The following SRA1 variants were observed in gnomAD, a reference collection of about 807,000 sequenced individuals.
SRA1 encodes the protein lncRNA SRA.
Under a neutral mutation model 24.3 loss-of-function variants are expected in SRA1, and 25 were observed. That is an observed-to-expected ratio of 1.03 (90% CI 0.75 to 1.43). The LOEUF (loss-of-function observed/expected upper bound fraction) is 1.43, where lower values mean the gene tolerates loss of function less well. Ranked by LOEUF, SRA1 falls within the 40% of genes most tolerant of loss-of-function variation. The pLI is 0.00. For synonymous variants in SRA1, 104 were observed against 109.5 expected, an observed-to-expected ratio of 0.95 and a Z score of 0.31; for missense variants, 303 against 286.6, an observed-to-expected ratio of 1.06 and a Z score of -0.41.
At position 140,557,427 on chromosome 5, in the gene SRA1, C is replaced by A. The variant is rs778028833; in HGVS notation, c.25+1G>T. The A allele has an allele frequency of 1.9e-6, 3 of 1,572,396 alleles. No homozygotes were observed. The highest frequency in any genetic ancestry group is 2.6e-6 in the Non-Finnish European group (3 of 1,160,764). ...TGCCCTAGCCCGCCGGCTGCGCTCA[C>A]CCGGCTTCACGTACAGCTCCGCCAT... On this transcript the variant is annotated splice_donor_variant, in intron 1 of 4. Transcript: ENST00000336283. LOFTEE classifies it high-confidence loss of function.
intron 2 of SRA1, among the ~76,000 whole-genome samples, chr5:140,556,207 T>G (rs1291710918): frequency 1.3e-5 from 2 of 152,192 alleles, no homozygotes; most frequent in African/African-American, 4.8e-5. Flanking sequence ...AAACCAAGCC[T>G]TGTATCATTC....
chr5:140,557,545 G>C (rs924974062), upstream of SRA1: 9 of 1,443,058 alleles, frequency 6.2e-6, no homozygotes, highest in Non-Finnish European at 8.3e-6. Flanking sequence ...CAGGCGGGTT[G>C]CCGGAATCCG....
chr5:140,556,078 G>A (rs1485470762), intron 2 of SRA1, among the ~76,000 whole-genome samples: 1 of 152,256 alleles, frequency 6.6e-6, no homozygotes, highest in Non-Finnish European at 1.5e-5. Context: ...TATCACAACT[G>A]GGTGGATGCT....
chr5:140,555,423 G>C (rs767495781), intron 2 of SRA1, among the ~76,000 whole-genome samples: 1 of 152,034 alleles, frequency 6.6e-6, no homozygotes, highest in Non-Finnish European at 1.5e-5. Context: ...AGTAGAGACA[G>C]CGTTTCGCCA....
Position 140,551,047 on chromosome 5 carries a change from G to A in SRA1, c.463+14C>T. On this transcript the variant is annotated intron_variant, in intron 4 of 4. Coordinates refer to ENST00000336283, the MANE Select transcript of SRA1 (RefSeq NM_001035235.4). ...GGAAAGGGATTTAGGCTATACCAAA[G>A]AACCCACCCATACCTTGCACCAGTA... The A allele has an allele frequency of 6.2e-7, 1 of 1,608,184 alleles. No homozygotes were observed. Among genetic ancestry groups the A allele is most frequent in the South Asian group, 1.1e-5 (1 of 90,968 alleles).
chr5:140,551,899 T>A (rs1754570016), intron 3 of SRA1, 83 bp downstream of exon 3: 3 of 1,292,126 alleles, frequency 2.3e-6, no homozygotes, highest in Non-Finnish European at 3.3e-6. Flanking sequence ...GTCCACTGGG[T>A]CAGAGGGTCT....
In SRA1 at chr5:140,551,067, C is replaced by A; in HGVS notation, c.457G>T (p.Val153Leu). Residue 153 changes from valine (V) to leucine (L), a missense_variant, in exon 4 of 5, where the codon GTG (valine) becomes TTG (leucine). Coordinates refer to ENST00000336283, the MANE Select transcript of SRA1 (RefSeq NM_001035235.4). ...IPVKKRMALLVQELSSHRWDA... is the reference protein window; with the variant it reads ...IPVKKRMALLLQELSSHRWDA... The stretch of plus-strand genomic sequence containing the variant: ...CCAAAGAACCCACCCATACCTTGCA[C>A]CAGTAGAGCCATTCTCTTCTTTACA... The A allele has an allele frequency of 1.2e-6, 2 of 1,613,394 alleles. No homozygotes were observed. The highest frequency in any genetic ancestry group is 1.7e-6 in the Non-Finnish European group (2 of 1,179,278).
In SRA1 at chr5:140,557,280, G is replaced by C. The variant is rs776963407; in HGVS notation, c.26-8C>G. On this transcript the variant is annotated splice_polypyrimidine_tract_variant and splice_region_variant and intron_variant, in intron 1 of 4. Coordinates refer to ENST00000336283, the MANE Select transcript of SRA1 (RefSeq NM_001035235.4). ...AGCCGCGTTCCTTGTTGCCTGCGGA[G>C]GCGAGGGATGTGTGAAGCGAGCCCG... is the stretch of plus-strand genomic sequence containing the variant. The C allele has an allele frequency of 2.7e-5, 43 of 1,610,224 alleles. No homozygotes were observed. The highest frequency in any genetic ancestry group is 3.3e-5 in the Non-Finnish European group (39 of 1,179,926).
chr5:140,557,533 G>A (rs550554971), upstream of SRA1: 637 of 1,482,940 alleles, frequency 4.3e-4, no homozygotes, highest in South Asian at 6.1e-4. Flanking sequence ...CACGTCCAGG[G>A]CCAGGCGGGT....
At chr5:140,555,020 A>G (rs1390426944) in intron 2 of SRA1, among the ~76,000 whole-genome samples, 1 of 151,090 alleles carries the variant, frequency 6.6e-6, no homozygotes, top group African/African-American at 2.4e-5. Context: ...CTGGGATTTC[A>G]GGTGCCCGCC....
upstream of SRA1, chr5:140,557,524 A>T (rs35057460): frequency 6.6e-7 from 1 of 1,514,144 alleles, no homozygotes; most frequent in Non-Finnish European, 8.9e-7. Context: ...CAGTTGAGAC[A>T]CGTCCAGGGC....
intron 2 of SRA1, among the ~76,000 whole-genome samples, chr5:140,552,387 TCA>T (rs1323204886): frequency 6.6e-6 from 1 of 152,180 alleles, no homozygotes; most frequent in Non-Finnish European, 1.5e-5. Flanking sequence ...GTGTGATGGC[TCA>T]CACCTGTAAT....
In SRA1 at chr5:140,551,171, T is replaced by C. The variant is rs200117109; in HGVS notation, c.355-2A>G. 42 of 1,613,318 alleles carry C rather than the reference T, an allele frequency of 2.6e-5. No homozygotes were observed. Among genetic ancestry groups the C allele is most frequent in the Non-Finnish European group, 3.5e-5 (41 of 1,179,446 alleles). On this transcript the variant is annotated splice_acceptor_variant, in intron 3 of 4. Coordinates refer to ENST00000336283, the MANE Select transcript of SRA1 (RefSeq NM_001035235.4). LOFTEE classifies it high-confidence loss of function. The stretch of plus-strand genomic sequence containing the variant: ...GCTGATGTCATCACATACCTGCTTC[T>C]AAGAGACAGAAGCCCCCCTCCAATT...
intron 2 of SRA1, 57 bp downstream of exon 2, chr5:140,557,090 C>G (rs1454742766): frequency 1.4e-6 from 2 of 1,400,634 alleles, no homozygotes; most frequent in Non-Finnish European, 1.9e-6. Context: ...AGGCTTATGC[C>G]TTACACCCCC....
chr5:140,551,824 CA>C, intron 3 of SRA1, 157 bp downstream of exon 3: 1 of 604,512 alleles, frequency 1.7e-6, no homozygotes. Context: ...ATCCTGTGTT[CA>C]TTTCTTTGGG....
intron 3 of SRA1, 60 bp from the exon 4 acceptor site, chr5:140,551,229 G>T: frequency 1.5e-6 from 2 of 1,345,750 alleles, no homozygotes; most frequent in Non-Finnish European, 2.1e-6. Flanking sequence ...GGAGGAGAGG[G>T]GAAGACAGCA....
Position 140,550,666 on chromosome 5 carries a change from G to T in SRA1, c.*34C>A. On this transcript the variant is annotated 3_prime_UTR_variant, in exon 5 of 5. Coordinates refer to ENST00000336283, the MANE Select transcript of SRA1 (RefSeq NM_001035235.4). ...GTGACAGAAGGTCTCCAAGGCATAGGAGATGGTGTCCGGTGAGTCTGGGGA... is the reference window on the plus strand; with the variant it reads ...GTGACAGAAGGTCTCCAAGGCATAGTAGATGGTGTCCGGTGAGTCTGGGGA... The T allele has an allele frequency of 6.2e-7, 1 of 1,603,506 alleles. No homozygotes were observed. The highest frequency in any genetic ancestry group is 1.7e-4 in the Middle Eastern group (1 of 6,036).
chr5:140,557,678 G>A (rs1218389028), upstream of SRA1: 10 of 600,928 alleles, frequency 1.7e-5, no homozygotes, highest in Non-Finnish European at 2.9e-5. Flanking sequence ...CACCAAAGGA[G>A]GTTGCTGTCC....
At chr5:140,555,913 A>G (rs1160632065) in intron 2 of SRA1, among the ~76,000 whole-genome samples, 1 of 152,186 alleles carries the variant, frequency 6.6e-6, no homozygotes, top group African/African-American at 2.4e-5. Context: ...AATCTTGCCT[A>G]TATTACCATA....
Sources: gnomAD v4.1 joint callset for allele counts (sites outside exome capture counted in the v4.1 genomes callset) on GRCh38, gnomAD v4.1.1 for gene constraint, MANE v1.5 for transcripts, NCBI Gene and HGNC (gene_info 2026-07-23, HGNC 2026-07-21) for gene names.